FSHR: variants seen among roughly 807,000 people sequenced by gnomAD.
FSHR encodes follicle-stimulating hormone receptor.
In FSHR, 46 loss-of-function variants were observed where a neutral mutation model predicts 52.1. That is an observed-to-expected ratio of 0.88 (90% CI 0.70 to 1.13). The LOEUF (loss-of-function observed/expected upper bound fraction) is 1.13. FSHR is among the 50% of genes most tolerant of loss of function. The pLI, the probability that FSHR is intolerant of heterozygous loss-of-function variation, is 0.00. For synonymous variants in FSHR, 399 were observed against 309.6 expected (o/e 1.29, Z -3.03); for missense variants, 964 against 834.6 (o/e 1.16, Z -1.91).
intron 3 of FSHR, 118 bp downstream of exon 3, chr2:49,019,968 T>A (rs185951212): frequency 3.3e-6 from 3 of 901,260 alleles, no homozygotes; most frequent in Non-Finnish European, 5.6e-6. Context: ...TGACATCTTA[T>A]AATGACAATC....
chr2:49,019,344 T>A (rs768932729), intron 3 of FSHR, among the ~76,000 whole-genome samples: 1 of 152,240 alleles, frequency 6.6e-6, no homozygotes, highest in African/African-American at 2.4e-5. Context: ...GAATATACTT[T>A]GAAAAATTGT....
chr2:49,052,372 C>T (rs916931378), intron 2 of FSHR, among the ~76,000 whole-genome samples: 2 of 152,158 alleles, frequency 1.3e-5, no homozygotes, highest in Non-Finnish European at 2.9e-5. Context: ...ACTTTACATA[C>T]TCATGAATGT....
intron 4 of FSHR, among the ~76,000 whole-genome samples, chr2:49,006,829 A>G (rs1667090980): frequency 6.6e-6 from 1 of 152,112 alleles, no homozygotes; most frequent in Non-Finnish European, 1.5e-5. Context: ...CATCCCTTCC[A>G]TCCTTTCTCA....
intron 1 of FSHR, among the ~76,000 whole-genome samples, chr2:49,113,291 G>A (rs1671487696): frequency 6.6e-6 from 1 of 152,178 alleles, no homozygotes; most frequent in Admixed American, 6.5e-5. Flanking sequence ...GAAATCTCTG[G>A]CAGATGGCTG....
intron 1 of FSHR, among the ~76,000 whole-genome samples, chr2:49,115,631 C>T (rs756271052): frequency 1.3e-5 from 2 of 152,116 alleles, no homozygotes; most frequent in African/African-American, 2.4e-5. Context: ...CTGCTAGAGA[C>T]AGTCTTCTTA....
intron 2 of FSHR, among the ~76,000 whole-genome samples, chr2:49,034,306 T>A (rs1333564227): frequency 6.6e-6 from 1 of 152,082 alleles, no homozygotes; most frequent in Non-Finnish European, 1.5e-5. Context: ...ATTTTCAGAG[T>A]ATTGCCTGAC....
intron 1 of FSHR, among the ~76,000 whole-genome samples, chr2:49,078,969 C>T (rs1216714710): frequency 2.6e-5 from 4 of 151,976 alleles, no homozygotes; most frequent in African/African-American, 7.3e-5. Flanking sequence ...CTATCATTAC[C>T]CACAGAAAAC....
At chr2:49,102,350 A>G (rs531605627) in intron 1 of FSHR, among the ~76,000 whole-genome samples, 1 of 152,280 alleles carries the variant, frequency 6.6e-6, no homozygotes, top group Admixed American at 6.5e-5. Flanking sequence ...GAGACAATAA[A>G]GCAGAAGTTC....
At chr2:49,090,371 A>G (rs560816908) in intron 1 of FSHR, among the ~76,000 whole-genome samples, 2 of 152,320 alleles carry the variant, frequency 1.3e-5, no homozygotes, top group African/African-American at 2.4e-5. Context: ...GCTATCATAC[A>G]GTATATAACA....
intron 8 of FSHR, among the ~76,000 whole-genome samples, chr2:48,981,903 T>C (rs967058189): frequency 6.6e-6 from 1 of 152,226 alleles, no homozygotes; most frequent in African/African-American, 2.4e-5. Context: ...AACGCCTGAC[T>C]TGACTTAAGG....
intron 6 of FSHR, among the ~76,000 whole-genome samples, chr2:48,983,819 G>T (rs1370030470): frequency 6.6e-6 from 1 of 152,136 alleles, no homozygotes. Context: ...AATGAGCAGG[G>T]GAGGAGGTTC....
chr2:48,967,267 G>C (rs1461573801), intron 9 of FSHR, among the ~76,000 whole-genome samples: 2 of 151,866 alleles, frequency 1.3e-5, no homozygotes, highest in African/African-American at 2.4e-5. Flanking sequence ...GGCTAATTTT[G>C]TTCATTTTTT....
chr2:49,151,242 C>T (rs1673052039), intron 1 of FSHR, among the ~76,000 whole-genome samples: 1 of 151,232 alleles, frequency 6.6e-6, no homozygotes, highest in South Asian at 2.1e-4. Context: ...ATTTGGATCC[C>T]AGCTCTGCCA....
At chr2:49,009,408 C>T (rs1034916781) in intron 4 of FSHR, among the ~76,000 whole-genome samples, 1 of 151,762 alleles carries the variant, frequency 6.6e-6, no homozygotes, top group Admixed American at 6.6e-5. Flanking sequence ...GTACGAGTAC[C>T]ATGCCGTTTT....
intron 4 of FSHR, chr2:49,014,580 G>A: frequency 4.3e-6 from 1 of 231,906 alleles, no homozygotes; most frequent in Non-Finnish European, 8.5e-6. Context: ...GAAGGGCCAA[G>A]GGGGTCCTCA....
At chr2:49,071,957 A>T (rs1504169) in intron 1 of FSHR, among the ~76,000 whole-genome samples, 1 of 151,856 alleles carries the variant, frequency 6.6e-6, no homozygotes. Flanking sequence ...ACTAGGTCAC[A>T]TCTCCAACAA....
chr2:49,026,781 C>T, intron 2 of FSHR, among the ~76,000 whole-genome samples: 1 of 152,190 alleles, frequency 6.6e-6, no homozygotes, highest in East Asian at 1.9e-4. Flanking sequence ...ACCATATTTA[C>T]CCCAACACAC....
At chr2:49,139,251 C>T (rs999058163) in intron 1 of FSHR, among the ~76,000 whole-genome samples, 1 of 152,124 alleles carries the variant, frequency 6.6e-6, no homozygotes, top group Non-Finnish European at 1.5e-5. Context: ...GTACATAGTA[C>T]CTTTCTCAAC....
At chr2:49,020,007 G>C in intron 3 of FSHR, 79 bp downstream of exon 3, 1 of 1,208,072 alleles carries the variant, frequency 8.3e-7, no homozygotes, top group Non-Finnish European at 1.2e-6. Flanking sequence ...GCAGAATCAG[G>C]GCCTCCCAGG....
Sources: allele counts gnomAD v4.1 joint callset (sites outside exome capture counted in the v4.1 genomes callset), GRCh38; gene constraint gnomAD v4.1.1; transcripts MANE v1.5; gene names NCBI Gene and HGNC (gene_info 2026-07-23, HGNC 2026-07-21).